PIK3CA: variants seen among roughly 807,000 people sequenced by gnomAD.
The protein encoded by PIK3CA is phosphatidylinositol 4,5-bisphosphate 3-kinase catalytic subunit alpha isoform.
In PIK3CA, 27 loss-of-function variants were observed where a neutral mutation model predicts 138.2. The ratio of observed to expected loss-of-function variants is 0.20; its 90% CI spans 0.14 to 0.27. The LOEUF is 0.27. Among genes scored for constraint, PIK3CA ranks in the 10% least tolerant of loss-of-function variants. PIK3CA has a pLI of 1.00. For missense variants in PIK3CA, 544 were observed against 1,277.4 expected (o/e 0.43, Z 8.75); for synonymous variants, 358 against 413.2 (o/e 0.87, Z 1.62).
At chr3:179,217,702 AT>A (rs1465191147) in intron 9 of PIK3CA, among the ~76,000 whole-genome samples, 2 of 152,054 alleles carry the variant, frequency 1.3e-5, no homozygotes, top group Admixed American at 1.3e-4. Context: ...CAGTGTTTTA[AT>A]GGGGGTGTTT....
intron 1 of PIK3CA, among the ~76,000 whole-genome samples, chr3:179,186,818 T>C (rs940804635): frequency 1.3e-5 from 2 of 152,216 alleles, no homozygotes; most frequent in African/African-American, 4.8e-5. Flanking sequence ...TTGCATTTCC[T>C]TTATATTAGA....
Position 179,187,974 on chromosome 3 carries a change from CTA to C in PIK3CA, c.-76-10774_-76-10773del, listed in dbSNP as rs377215066. Among the ~76,000 whole-genome samples the C allele has an allele frequency of 9.2e-5, 14 of 152,272 alleles. No individual in the cohort carries two copies. In the South Asian group the frequency reaches 2.9e-3, roughly 32 times the overall value. ...TTATAACATTACTGTGAGATAGTAACTATTTTTATTCACCTTTTGCAAATAAG... is the reference window on the plus strand; with the variant it reads ...TTATAACATTACTGTGAGATAGTAACTTTTTATTCACCTTTTGCAAATAAG... On this transcript the variant is annotated intron_variant, in intron 1 of 20. Transcript: ENST00000263967.
chr3:179,175,205 T>C (rs1441328272), intron 1 of PIK3CA, among the ~76,000 whole-genome samples: 2 of 152,208 alleles, frequency 1.3e-5, no homozygotes, highest in Non-Finnish European at 2.9e-5. Context: ...GAGGTAATTT[T>C]TTTGAGATTT....
chr3:179,178,354 A>C (rs1254453505), intron 1 of PIK3CA, among the ~76,000 whole-genome samples: 1 of 151,986 alleles, frequency 6.6e-6, no homozygotes, highest in African/African-American at 2.4e-5. Flanking sequence ...CAGACATTTC[A>C]CAGAAGATAT....
chr3:179,174,384 A>G (rs962823499), intron 1 of PIK3CA, among the ~76,000 whole-genome samples: 2 of 152,060 alleles, frequency 1.3e-5, no homozygotes, highest in African/African-American at 4.8e-5. Context: ...GCAGGAGAAT[A>G]GCTTGAACCT....
intron 9 of PIK3CA, among the ~76,000 whole-genome samples, chr3:179,213,903 C>T (rs1724778802): frequency 6.6e-6 from 1 of 152,240 alleles, no homozygotes; most frequent in Non-Finnish European, 1.5e-5. Flanking sequence ...GCAGCTTCTC[C>T]ATCAGCACTT....
intron 15 of PIK3CA, among the ~76,000 whole-genome samples, 169 bp from the exon 16 acceptor site, chr3:179,224,531 G>A (rs898453121): frequency 6.6e-6 from 1 of 151,620 alleles, no homozygotes; most frequent in Non-Finnish European, 1.5e-5. Context: ...AAAACTTTTA[G>A]TTTTTTTTAT....
rs1465540246 is a variant in PIK3CA at position 179,148,510 on chromosome 3, C to T, written c.-170C>T. ...GAGGGGCCGGGAGGCGGGGGCCGTGCCGCCCGCTCTCCTCTCCCTCGGCGC... is the reference window on the plus strand; with the variant it reads ...GAGGGGCCGGGAGGCGGGGGCCGTGTCGCCCGCTCTCCTCTCCCTCGGCGC... On this transcript the variant is annotated 5_prime_UTR_variant, in exon 1 of 21. Coordinates refer to ENST00000263967, the MANE Select transcript of PIK3CA (RefSeq NM_006218.4). The T allele has an allele frequency of 1.3e-5, 2 of 151,642 alleles. No homozygotes were observed. Among genetic ancestry groups the T allele is most frequent in the Admixed American group, 6.6e-5 (1 of 15,198 alleles). The allele number at this position is 151,642 out of a possible 1,614,324, so 9.4% of individuals were successfully genotyped here. A position where few individuals can be genotyped will look rare whatever the true frequency, so the allele number is the denominator to read the frequency against.
At chr3:179,233,008 C>T (rs1576949348) in intron 20 of PIK3CA, among the ~76,000 whole-genome samples, 4 of 152,156 alleles carry the variant, frequency 2.6e-5, no homozygotes, top group Non-Finnish European at 4.4e-5. Flanking sequence ...CAGGCATGCA[C>T]CACCATGCTC....
At chr3:179,205,117 A>AAT (rs1576935629) in intron 6 of PIK3CA, among the ~76,000 whole-genome samples, 2 of 151,014 alleles carry the variant, frequency 1.3e-5, no homozygotes, top group East Asian at 3.9e-4. Flanking sequence ...GAGACAGGAG[A>AAT]ATAGGAGAAT....
intron 1 of PIK3CA, among the ~76,000 whole-genome samples, chr3:179,163,832 A>G (rs1375588010): frequency 6.6e-6 from 1 of 151,244 alleles, no homozygotes; most frequent in East Asian, 1.9e-4. Flanking sequence ...TTTTCTAATG[A>G]TGTTTTTGCT....
At chr3:179,149,411 A>G (rs910776559) in intron 1 of PIK3CA, 1 of 152,096 alleles carries the variant, frequency 6.6e-6, no homozygotes, top group African/African-American at 2.4e-5. Context: ...TTATTTTAGG[A>G]TGCTAAAGGA....
intron 1 of PIK3CA, among the ~76,000 whole-genome samples, chr3:179,166,507 C>A (rs1009484564): frequency 1.6e-5 from 2 of 126,798 alleles, no homozygotes; most frequent in African/African-American, 7.0e-5. Flanking sequence ...AGGGTATGAA[C>A]AGATTGCTGG....
intron 1 of PIK3CA, among the ~76,000 whole-genome samples, chr3:179,187,844 G>A (rs1357533450): frequency 1.3e-5 from 2 of 151,796 alleles, no homozygotes; most frequent in East Asian, 2.0e-4. Context: ...TCACCATGTT[G>A]GCCAGGCTGG....
rs1725369963 is a variant in PIK3CA at position 179,238,273 on chromosome 3, T to G, written c.*3909T>G. 1 of 218,700 alleles carries G rather than the reference T, an allele frequency of 4.6e-6. No individual in the cohort carries two copies. Among genetic ancestry groups the G allele is most frequent in the Non-Finnish European group, 9.2e-6 (1 of 108,894 alleles). 13.5% of individuals were successfully genotyped at this position (218,700 alleles called of 1,614,324 possible). ...AGCATCCTCAATTAATAATTCTTGG[T>G]GACAGAATAATACAGCTGGGCTGTT... On this transcript the variant is annotated 3_prime_UTR_variant, in exon 21 of 21. Transcript: ENST00000263967.
chr3:179,210,233 A>G lies in PIK3CA; in HGVS notation c.1299A>G (p.Thr433=), dbSNP rs1576938403. Residue 433 remains threonine (T), a synonymous_variant, in exon 8 of 21, where the codon ACA becomes ACG. Coordinates refer to ENST00000263967, the MANE Select transcript of PIK3CA (RefSeq NM_006218.4). ...AWGNINLFDY[T]DTLVSGKMAL... is the part of the protein sequence containing the mutation. The stretch of plus-strand genomic sequence containing the variant: ...GAAATATAAACTTGTTTGATTACAC[A>G]GACACTCTAGTATCTGGAAAAATGG... 33 of 1,593,240 alleles carry G rather than the reference A, an allele frequency of 2.1e-5. No homozygotes were observed. Among genetic ancestry groups the G allele is most frequent in the Non-Finnish European group, 2.8e-5 (33 of 1,174,866 alleles).
chr3:179,232,938 A>G (rs1318955270), intron 20 of PIK3CA, among the ~76,000 whole-genome samples: 1 of 151,844 alleles, frequency 6.6e-6, no homozygotes, highest in Non-Finnish European at 1.5e-5. Context: ...GCTCACTGCA[A>G]CCTCCACCTC....
rs1426127431 is a variant in PIK3CA, at chr3:179,221,241, T to C, written c.2187+84T>C. On this transcript the variant is annotated intron_variant, in intron 14 of 20. Transcript: ENST00000263967. Reference sequence around the variant, plus strand: ...AGAAGCCCAGTGTATATACAGATCATGGTCCTTGGAATCAAGCAGATTAGG... The same window carrying C: ...AGAAGCCCAGTGTATATACAGATCACGGTCCTTGGAATCAAGCAGATTAGG... 5.9e-6 allele frequency: 5 copies of C among 850,546 alleles called. No individual in the cohort carries two copies. In the African/African-American group the frequency reaches 8.5e-5, roughly 14 times the overall value. 52.7% of individuals were successfully genotyped at this position (850,546 alleles called of 1,614,324 possible). A position where few individuals can be genotyped will look rare whatever the true frequency, so the allele number is the denominator to read the frequency against.
rs533742043 is a variant in PIK3CA, at chr3:179,159,487, G to A, written c.-77+10884G>A. 1.3e-3 allele frequency among the ~76,000 whole-genome samples: 201 copies of A among 152,282 alleles called. 1 individual carries two copies. The highest frequency in any genetic ancestry group is 4.5e-3 in the African/African-American group (188 of 41,548). On this transcript the variant is annotated intron_variant, in intron 1 of 20. Transcript: ENST00000263967. The stretch of plus-strand genomic sequence containing the variant: ...TTTAATATAAACCTGAGGAGGGGGA[G>A]CATTATGGACTTTGTATATGCTGCC...
Sources: gnomAD v4.1 joint callset for allele counts (sites outside exome capture counted in the v4.1 genomes callset) on GRCh38, gnomAD v4.1.1 for gene constraint, MANE v1.5 for transcripts, NCBI Gene and HGNC (gene_info 2026-07-23, HGNC 2026-07-21) for gene names.